Variants in GRXCR1 observed in about 807,000 individuals in gnomAD.
GRXCR1 encodes glutaredoxin domain-containing cysteine-rich protein 1.
Under a neutral mutation model 27.3 loss-of-function variants are expected in GRXCR1, and 27 were observed. That is an observed-to-expected ratio of 0.99 (90% CI 0.73 to 1.37). GRXCR1 has a LOEUF of 1.37. Among genes scored for constraint, GRXCR1 ranks in the 40% most tolerant of loss-of-function variants. The pLI, the probability that GRXCR1 is intolerant of heterozygous loss-of-function variation, is 0.00. For synonymous variants in GRXCR1, 122 were observed against 131.1 expected (o/e 0.93, Z 0.47); for missense variants, 379 against 354.4 (o/e 1.07, Z -0.56).
At chr4:42,950,839 C>T (rs67500079) in intron 1 of GRXCR1, among the ~76,000 whole-genome samples, 55,483 of 151,900 alleles carry the variant, frequency 0.37, 10,351 homozygotes, top group African/African-American at 0.43. Context: ...AGAAACAGAA[C>T]CAATATAGTA....
chr4:42,902,088 A>G (rs1002074367), intron 1 of GRXCR1, among the ~76,000 whole-genome samples: 1 of 152,178 alleles, frequency 6.6e-6, no homozygotes, highest in Admixed American at 6.5e-5. Context: ...TCTGGTCTTG[A>G]ATCTAGTTGT....
intron 2 of GRXCR1, among the ~76,000 whole-genome samples, chr4:43,004,661 A>C (rs1479726726): frequency 6.6e-6 from 1 of 152,204 alleles, no homozygotes; most frequent in Non-Finnish European, 1.5e-5. Flanking sequence ...AAGATTTCAT[A>C]ACTGCCCTGC....
intron 1 of GRXCR1, among the ~76,000 whole-genome samples, chr4:42,944,448 A>C (rs1054660757): frequency 3.3e-5 from 5 of 152,158 alleles, no homozygotes; most frequent in African/African-American, 1.2e-4. Context: ...AGAGGTTCAG[A>C]GACCGTGCCT....
chr4:43,022,073 A>G (rs1230296112), intron 3 of GRXCR1, among the ~76,000 whole-genome samples: 2 of 152,176 alleles, frequency 1.3e-5, no homozygotes, highest in Admixed American at 1.3e-4. Context: ...GTTCTCATAT[A>G]CTACCCCAAT....
intron 2 of GRXCR1, among the ~76,000 whole-genome samples, chr4:43,005,614 A>T (rs544056968): frequency 6.6e-6 from 1 of 152,286 alleles, no homozygotes; most frequent in East Asian, 1.9e-4. Context: ...TATAAACACC[A>T]AGGGTTCAAG....
intron 3 of GRXCR1, among the ~76,000 whole-genome samples, chr4:43,021,855 T>C (rs556884769): frequency 6.6e-6 from 1 of 152,206 alleles, no homozygotes; most frequent in African/African-American, 2.4e-5. Flanking sequence ...TTTTCCATAA[T>C]TTATAATTTC....
chr4:42,921,956 G>A (rs993586264), intron 1 of GRXCR1, among the ~76,000 whole-genome samples: 3 of 152,042 alleles, frequency 2.0e-5, no homozygotes, highest in Admixed American at 6.6e-5. Context: ...AAGTGACAGT[G>A]TTTCTTGTTT....
At chr4:42,954,434 G>A (rs1032445725) in intron 1 of GRXCR1, among the ~76,000 whole-genome samples, 1 of 152,126 alleles carries the variant, frequency 6.6e-6, no homozygotes, top group Admixed American at 6.6e-5. Flanking sequence ...TAAGGAAAGA[G>A]TAAGGACTTA....
chr4:42,979,438 T>C (rs1748599894), intron 2 of GRXCR1, among the ~76,000 whole-genome samples: 1 of 152,104 alleles, frequency 6.6e-6, no homozygotes, highest in Admixed American at 6.6e-5. Flanking sequence ...ATTGAAATGA[T>C]AATATATTGT....
chr4:42,932,938 A>G (rs2167282), intron 1 of GRXCR1, among the ~76,000 whole-genome samples: 96,832 of 151,136 alleles, frequency 0.64, 31,678 homozygotes, highest in African/African-American at 0.77. Flanking sequence ...TCTTTTTCAA[A>G]CTAAGGAAAG....
At chr4:42,998,165 G>C (rs1416863690) in intron 2 of GRXCR1, among the ~76,000 whole-genome samples, 1 of 152,118 alleles carries the variant, frequency 6.6e-6, no homozygotes, top group Admixed American at 6.5e-5. Context: ...GGAGATGATA[G>C]AGCAAAGTTT....
intron 2 of GRXCR1, among the ~76,000 whole-genome samples, chr4:43,002,962 A>G: frequency 6.6e-6 from 1 of 152,184 alleles, no homozygotes. Context: ...GTTTTCCCCC[A>G]TGCTATTCTC....
At chr4:42,983,814 T>C (rs1711570584) in intron 2 of GRXCR1, among the ~76,000 whole-genome samples, 1 of 151,724 alleles carries the variant, frequency 6.6e-6, no homozygotes, top group Non-Finnish European at 1.5e-5. Context: ...AAGTAACCTG[T>C]CTTTATGTTC....
At chr4:42,932,607 TATATATATATATAGAGAG>T (rs1447351259) in intron 1 of GRXCR1, among the ~76,000 whole-genome samples, 259 of 55,090 alleles carry the variant, frequency 4.7e-3, no homozygotes, top group South Asian at 7.3e-3. Context: ...TATATATATA[TATATATATATATAGAGAG>T]AGAGAGAGAG....
At chr4:43,027,851 T>C (rs940440986) in intron 3 of GRXCR1, among the ~76,000 whole-genome samples, 2 of 152,226 alleles carry the variant, frequency 1.3e-5, no homozygotes, top group African/African-American at 4.8e-5. Context: ...GGCTTATGCC[T>C]GTAATCCCAG....
intron 1 of GRXCR1, among the ~76,000 whole-genome samples, chr4:42,944,908 T>C (rs190443261): frequency 1.2e-3 from 189 of 152,298 alleles, no homozygotes; most frequent in African/African-American, 4.4e-3. Flanking sequence ...GAATCTTGGT[T>C]GTATCAGTCA....
intron 1 of GRXCR1, among the ~76,000 whole-genome samples, chr4:42,960,027 G>A (rs539075969): frequency 6.6e-6 from 1 of 151,898 alleles, no homozygotes; most frequent in South Asian, 2.1e-4. Flanking sequence ...ATCCAACGTG[G>A]CTACCCGATA....
At chr4:43,027,269 T>C (rs527856078) in intron 3 of GRXCR1, among the ~76,000 whole-genome samples, 59 of 152,356 alleles carry the variant, frequency 3.9e-4, no homozygotes, top group Admixed American at 1.6e-3. Flanking sequence ...GAAAGAGAGA[T>C]CTAATCACAG....
At chr4:42,945,975 T>G (rs369950930) in intron 1 of GRXCR1, among the ~76,000 whole-genome samples, 3 of 152,184 alleles carry the variant, frequency 2.0e-5, no homozygotes, top group African/African-American at 7.2e-5. Context: ...AATGACAAGA[T>G]AAGGGCAAGC....
Sources: gnomAD v4.1 joint callset for allele counts (sites outside exome capture counted in the v4.1 genomes callset) on GRCh38, gnomAD v4.1.1 for gene constraint, MANE v1.5 for transcripts, NCBI Gene and HGNC (gene_info 2026-07-23, HGNC 2026-07-21) for gene names.